Variants in LINGO2 observed in about 807,000 individuals in gnomAD.
LINGO2 encodes leucine-rich repeat and immunoglobulin-like domain-containing nogo receptor-interacting protein 2.
A neutral mutation model predicts 30.6 loss-of-function variants in LINGO2; 14 were observed. That is an observed-to-expected ratio of 0.46 (90% CI 0.30 to 0.72). The LOEUF (loss-of-function observed/expected upper bound fraction) is 0.72. Among genes scored for constraint, LINGO2 ranks in the 30% least tolerant of loss-of-function variants. The pLI is 0.07. For synonymous variants in LINGO2, 317 were observed against 288.5 expected (o/e 1.10, Z -1.00); for missense variants, 729 against 751.7 (o/e 0.97, Z 0.35).
chr9:29,097,010 G>A, the LINGO2 span, among the ~76,000 whole-genome samples: 2 of 139,300 alleles, frequency 1.4e-5, 1 homozygote, highest in Non-Finnish European at 3.1e-5. Flanking sequence ...TTATAAGTTT[G>A]TGCAAATCAT....
At chr9:28,555,899 C>CAT (rs753739476) in intron 1 of LINGO2, among the ~76,000 whole-genome samples, 4 of 151,168 alleles carry the variant, frequency 2.6e-5, no homozygotes, top group Non-Finnish European at 4.4e-5. Context: ...ACAAAAACCA[C>CAT]GATTATCTCA....
At chr9:28,108,406 C>G (rs990626239) in intron 4 of LINGO2, among the ~76,000 whole-genome samples, 1 of 152,142 alleles carries the variant, frequency 6.6e-6, no homozygotes, top group Non-Finnish European at 1.5e-5. Context: ...TGCTCTGGTA[C>G]TCTTCCATGT....
In LINGO2 at chr9:28,607,248, T is replaced by G. The variant is rs574834899; in HGVS notation, c.-365+62952A>C. ...GATTGATTGATACTGACACCTTCATTGAGTCCTAAAAGTCACTGATCAAAA... is the reference window on the plus strand; with the variant it reads ...GATTGATTGATACTGACACCTTCATGGAGTCCTAAAAGTCACTGATCAAAA... On this transcript the variant is annotated intron_variant, in intron 1 of 5. Transcript: ENST00000379992. 1.8e-4 allele frequency among the ~76,000 whole-genome samples: 27 copies of G among 152,174 alleles called. No individual in the cohort carries two copies. In the East Asian group the frequency reaches 3.3e-3, roughly 18 times the overall value.
chr9:28,361,088 C>A (rs1296144592), intron 3 of LINGO2, among the ~76,000 whole-genome samples: 1 of 152,194 alleles, frequency 6.6e-6, no homozygotes, highest in East Asian at 1.9e-4. Context: ...TGAATTATCT[C>A]TTTGTCCAGT....
intron 1 of LINGO2, among the ~76,000 whole-genome samples, chr9:28,653,596 T>C (rs1164342792): frequency 6.6e-6 from 1 of 152,148 alleles, no homozygotes; most frequent in Admixed American, 6.6e-5. Flanking sequence ...CTCTCAGATA[T>C]GGCTTTATTG....
At chr9:28,345,743 T>C (rs531420732) in intron 3 of LINGO2, among the ~76,000 whole-genome samples, 1 of 152,310 alleles carries the variant, frequency 6.6e-6, no homozygotes, top group African/African-American at 2.4e-5. Context: ...AAATCACTAC[T>C]GTGGCCTACA....
At chr9:28,122,881 T>C (rs1047785566) in intron 4 of LINGO2, among the ~76,000 whole-genome samples, 2 of 152,270 alleles carry the variant, frequency 1.3e-5, no homozygotes, top group Non-Finnish European at 2.9e-5. Context: ...GTGACGCCTA[T>C]AGCAGGCAAC....
intron 5 of LINGO2, among the ~76,000 whole-genome samples, chr9:28,009,986 T>C (rs1474628709): frequency 1.3e-5 from 2 of 152,242 alleles, no homozygotes; most frequent in Non-Finnish European, 2.9e-5. Flanking sequence ...CATAAACTGA[T>C]GAACGGATAA....
intron 4 of LINGO2, among the ~76,000 whole-genome samples, chr9:28,182,059 A>T (rs1819363846): frequency 6.6e-6 from 1 of 152,206 alleles, no homozygotes; most frequent in Non-Finnish European, 1.5e-5. Context: ...CCTGACTTCA[A>T]ACTATACTAC....
At chr9:28,433,793 A>AACAAATCAT (rs1823778375) in intron 2 of LINGO2, among the ~76,000 whole-genome samples, 1 of 151,952 alleles carries the variant, frequency 6.6e-6, no homozygotes, top group African/African-American at 2.4e-5. Flanking sequence ...CCCAAAGGAA[A>AACAAATCAT]ACAAATCATT....
At chr9:28,363,972 G>T (rs1301484983) in intron 3 of LINGO2, among the ~76,000 whole-genome samples, 5 of 133,724 alleles carry the variant, frequency 3.7e-5, no homozygotes, top group Admixed American at 2.1e-4. Flanking sequence ...CATTAATTAG[G>T]TTACAAAAAA....
At chr9:28,441,048 C>T (rs1165768995) in intron 2 of LINGO2, among the ~76,000 whole-genome samples, 4 of 151,948 alleles carry the variant, frequency 2.6e-5, no homozygotes, top group African/African-American at 9.7e-5. Context: ...AGAAATCCAC[C>T]CTCATGAATT....
intron 1 of LINGO2, among the ~76,000 whole-genome samples, chr9:28,591,757 A>G (rs1361119318): frequency 6.6e-6 from 1 of 151,994 alleles, no homozygotes; most frequent in Non-Finnish European, 1.5e-5. Flanking sequence ...TCCTTGTGGA[A>G]ATCTTGAATT....
chr9:28,090,795 T>C (rs144520732), intron 4 of LINGO2, among the ~76,000 whole-genome samples: 4 of 152,304 alleles, frequency 2.6e-5, no homozygotes, highest in Non-Finnish European at 5.9e-5. Flanking sequence ...GCAGATGACA[T>C]GATTGTATAT....
At chr9:28,837,639 C>CTCCG in the LINGO2 span, among the ~76,000 whole-genome samples, 1 of 76,312 alleles carries the variant, frequency 1.3e-5, no homozygotes, top group Non-Finnish European at 2.8e-5. Flanking sequence ...AAGAGCAAAA[C>CTCCG]TCCGTCTAAA....
the LINGO2 span, among the ~76,000 whole-genome samples, chr9:28,976,605 A>C: frequency 6.6e-6 from 1 of 152,148 alleles, no homozygotes; most frequent in African/African-American, 2.4e-5. Context: ...AGGCACCATC[A>C]TATTGAATTT....
the LINGO2 span, among the ~76,000 whole-genome samples, chr9:29,019,457 T>C: frequency 1.3e-5 from 2 of 152,190 alleles, no homozygotes; most frequent in East Asian, 1.9e-4. Flanking sequence ...CATTTGTGCA[T>C]GGTAGCATAA....
At chr9:29,077,325 T>C in the LINGO2 span, among the ~76,000 whole-genome samples, 9 of 152,186 alleles carry the variant, frequency 5.9e-5, no homozygotes, top group East Asian at 1.7e-3. Flanking sequence ...AGAGTTTAAA[T>C]CTATGCTCAA....
At chr9:28,053,887 C>T (rs1824793171) in intron 4 of LINGO2, among the ~76,000 whole-genome samples, 1 of 151,990 alleles carries the variant, frequency 6.6e-6, no homozygotes, top group African/African-American at 2.4e-5. Flanking sequence ...TTTGTCTTAT[C>T]AATAGCTAGC....
Sources: allele counts gnomAD v4.1 joint callset (sites outside exome capture counted in the v4.1 genomes callset), GRCh38; gene constraint gnomAD v4.1.1; transcripts MANE v1.5; gene names NCBI Gene and HGNC (gene_info 2026-07-23, HGNC 2026-07-21).